RAPGEF5: variants seen among roughly 807,000 people sequenced by gnomAD.
RAPGEF5 encodes the protein Rap guanine nucleotide exchange factor 5.
RAPGEF5 carries 65 observed loss-of-function variants against 125.2 expected under a neutral mutation model. The ratio of observed to expected loss-of-function variants is 0.52; its 90% CI spans 0.43 to 0.64. The LOEUF (loss-of-function observed/expected upper bound fraction) is 0.64, where lower values mean the gene tolerates loss of function less well. Among genes scored for constraint, RAPGEF5 ranks in the 30% least tolerant of loss-of-function variants. RAPGEF5 has a pLI of 0.00. For missense variants in RAPGEF5, 958 were observed against 1,048.1 expected, an observed-to-expected ratio of 0.91 and a Z score of 1.19; for synonymous variants, 391 against 385.9, an observed-to-expected ratio of 1.01 and a Z score of -0.16.
chr7:22,319,269 C>T (rs910293517), intron 1 of RAPGEF5, among the ~76,000 whole-genome samples: 9 of 152,116 alleles, frequency 5.9e-5, no homozygotes, highest in African/African-American at 1.9e-4. Flanking sequence ...TTCAGCCTGC[C>T]GCCTCCATGT....
At chr7:22,142,806 C>T (rs889875010) in intron 20 of RAPGEF5, among the ~76,000 whole-genome samples, 1 of 152,226 alleles carries the variant, frequency 6.6e-6, no homozygotes, top group Admixed American at 6.5e-5. Context: ...GGAGGGGAAA[C>T]ATGAATATGC....
chr7:22,168,289 T>C (rs1431327264), intron 11 of RAPGEF5, among the ~76,000 whole-genome samples: 1 of 152,152 alleles, frequency 6.6e-6, no homozygotes, highest in Non-Finnish European at 1.5e-5. Flanking sequence ...CTGAGAAAGC[T>C]CCTTTCATCT....
chr7:22,148,369 ACT>A (rs146920369), intron 18 of RAPGEF5, among the ~76,000 whole-genome samples: 1 of 152,248 alleles, frequency 6.6e-6, no homozygotes, highest in East Asian at 1.9e-4. Flanking sequence ...AGGTTAAATA[ACT>A]CTATTTATTC....
chr7:22,260,257 T>C (rs1373542669), intron 7 of RAPGEF5, among the ~76,000 whole-genome samples: 1 of 151,946 alleles, frequency 6.6e-6, no homozygotes, highest in African/African-American at 2.4e-5. Context: ...ACATCAAGAG[T>C]GAGCCCTAAA....
In RAPGEF5 at chr7:22,356,987, A is replaced by ACCG. The variant is rs1430634622; in HGVS notation, c.71_73dup (p.Ala24dup). 703 of 1,022,868 alleles carry ACCG rather than the reference A, an allele frequency of 6.9e-4. 5 individuals carry two copies. In the African/African-American group the frequency reaches 0.011, roughly 17 times the overall value. 63.4% of individuals were successfully genotyped at this position (1,022,868 alleles called of 1,614,324 possible). A position where few individuals can be genotyped will look rare whatever the true frequency, so the allele number is the denominator to read the frequency against. On this transcript the variant is annotated inframe_insertion, in exon 1 of 26. Coordinates refer to ENST00000665637, the MANE Select transcript of RAPGEF5 (RefSeq NM_012294.5). ...GCGCAGGGGGCCGTCTGCCGCCACC[A>ACCG]CCGCCGCCGCGGCGGCCAGGGCCGG...
intron 7 of RAPGEF5, among the ~76,000 whole-genome samples, chr7:22,262,401 T>A (rs1340768929): frequency 6.6e-6 from 1 of 151,910 alleles, no homozygotes; most frequent in Non-Finnish European, 1.5e-5. Flanking sequence ...AAATTAAAAA[T>A]AATAATAATA....
chr7:22,349,052 G>A (rs181816544), intron 1 of RAPGEF5, among the ~76,000 whole-genome samples: 6 of 150,312 alleles, frequency 4.0e-5, no homozygotes, highest in South Asian at 2.1e-4. Context: ...TGGTGCCACC[G>A]TACTCCAGGC....
chr7:22,299,229 G>A (rs1185591708), intron 5 of RAPGEF5, among the ~76,000 whole-genome samples: 1 of 151,526 alleles, frequency 6.6e-6, no homozygotes, highest in Non-Finnish European at 1.5e-5. Flanking sequence ...ATTCCTCTAA[G>A]TATTGCTTTA....
At chr7:22,162,826 C>A in intron 12 of RAPGEF5, 2 of 488,636 alleles carry the variant, frequency 4.1e-6, no homozygotes, top group Non-Finnish European at 3.9e-6. Context: ...AATGCCAGCC[C>A]AAGGAGATAC....
chr7:22,204,831 T>C (rs1451895629), intron 9 of RAPGEF5, among the ~76,000 whole-genome samples: 2 of 152,104 alleles, frequency 1.3e-5, no homozygotes, highest in Admixed American at 6.6e-5. Context: ...TGTAATGAAA[T>C]ATTGCTAAAA....
Position 22,230,843 on chromosome 7 carries a change from T to C in RAPGEF5, c.870+3A>G, listed in dbSNP as rs370554180. The C allele has an allele frequency of 1.3e-6, 2 of 1,564,812 alleles. No homozygotes were observed. Among genetic ancestry groups the C allele is most frequent in the Non-Finnish European group, 1.7e-6 (2 of 1,152,340 alleles). On this transcript the variant is annotated splice_donor_region_variant and intron_variant, in intron 8 of 25. Coordinates refer to ENST00000665637, the MANE Select transcript of RAPGEF5 (RefSeq NM_012294.5). ...TGAGGGGCTGTCACAGAATTGATCA[T>C]ACCTGAGAATCTGGAACACTTTCGG...
intron 8 of RAPGEF5, among the ~76,000 whole-genome samples, chr7:22,222,723 T>C (rs983570371): frequency 2.6e-5 from 4 of 152,176 alleles, no homozygotes; most frequent in African/African-American, 9.7e-5. Context: ...AACAGAGAAT[T>C]AGCAAAATAT....
chr7:22,189,052 TA>T (rs11434267), intron 11 of RAPGEF5, among the ~76,000 whole-genome samples: 2,841 of 126,126 alleles, frequency 0.023, 86 homozygotes, highest in African/African-American at 0.07. Flanking sequence ...CTCATGAAAT[TA>T]AAAAAAAAAA....
At chr7:22,214,241 C>CTAATT (rs1785577825) in intron 9 of RAPGEF5, among the ~76,000 whole-genome samples, 1 of 152,156 alleles carries the variant, frequency 6.6e-6, no homozygotes, top group Non-Finnish European at 1.5e-5. Flanking sequence ...TCCCACCCAT[C>CTAATT]CATATTTCAT....
chr7:22,284,652 T>G (rs1177656436), intron 6 of RAPGEF5, among the ~76,000 whole-genome samples: 3 of 152,268 alleles, frequency 2.0e-5, no homozygotes, highest in Middle Eastern at 6.8e-3. Flanking sequence ...AAGATGTTCA[T>G]GATCCTGTGG....
chr7:22,255,296 C>T (rs1786730958), intron 7 of RAPGEF5, among the ~76,000 whole-genome samples: 1 of 152,096 alleles, frequency 6.6e-6, no homozygotes, highest in South Asian at 2.1e-4. Flanking sequence ...AAAAGCTAAA[C>T]ACAATAAGCT....
intron 16 of RAPGEF5, among the ~76,000 whole-genome samples, chr7:22,156,238 A>G (rs1034749166): frequency 3.9e-5 from 6 of 152,236 alleles, no homozygotes; most frequent in East Asian, 3.8e-4. Context: ...GCTTGACTCA[A>G]TCTTTATCTA....
At chr7:22,258,415 G>A (rs1319502558) in intron 7 of RAPGEF5, among the ~76,000 whole-genome samples, 1 of 152,094 alleles carries the variant, frequency 6.6e-6, no homozygotes, top group South Asian at 2.1e-4. Context: ...GAGGTTGGGA[G>A]TTCGAGACCA....
In RAPGEF5 at chr7:22,309,975, A is replaced by C. The variant is rs1783430590; in HGVS notation, c.505T>G (p.Leu169Val). Residue 169 changes from leucine to valine, a missense_variant, in exon 4 of 26, where the codon TTA becomes GTA. Leu to Val is a conservative substitution (Grantham distance 32, BLOSUM62 1). Transcript: ENST00000665637. ...WQLLLDMGIM[L>V]SVDQHLYFQD... ...TTCAAGACATAATACTAACCTGATA[A>C]CATAATTCCCATGTCCAGTAGGAGT... The C allele has an allele frequency of 6.3e-7, 1 of 1,584,672 alleles. No individual in the cohort carries two copies. Among genetic ancestry groups the C allele is most frequent in the Non-Finnish European group, 8.5e-7 (1 of 1,170,748 alleles).
Sources: gnomAD v4.1 joint callset for allele counts (sites outside exome capture counted in the v4.1 genomes callset) on GRCh38, gnomAD v4.1.1 for gene constraint, MANE v1.5 for transcripts, NCBI Gene and HGNC (gene_info 2026-07-23, HGNC 2026-07-21) for gene names.